The following ANKRD33B variants were observed in gnomAD, a reference collection of about 807,000 sequenced individuals.
The protein encoded by ANKRD33B is ankyrin repeat domain-containing protein 33B.
Under a neutral mutation model 21.5 loss-of-function variants are expected in ANKRD33B, and 6 were observed. That is an observed-to-expected ratio of 0.28 (90% CI 0.15 to 0.55). The LOEUF is 0.55. Among genes scored for constraint, ANKRD33B ranks in the 20% least tolerant of loss-of-function variants. ANKRD33B has a pLI of 0.94. For missense variants in ANKRD33B, 698 were observed against 747.2 expected (o/e 0.93, Z 0.77); for synonymous variants, 347 against 342.4 (o/e 1.01, Z -0.15).
intron 1 of ANKRD33B, among the ~76,000 whole-genome samples, chr5:10,594,445 C>G (rs1649360961): frequency 6.6e-6 from 1 of 152,074 alleles, no homozygotes. Context: ...TTTGAACTCC[C>G]AACCTCAGCT....
chr5:10,600,261 T>C (rs1177724061), intron 1 of ANKRD33B, among the ~76,000 whole-genome samples: 2 of 152,230 alleles, frequency 1.3e-5, no homozygotes, highest in Non-Finnish European at 1.5e-5. Flanking sequence ...CAAATGAATA[T>C]GCACATGTAA....
intron 3 of ANKRD33B, among the ~76,000 whole-genome samples, chr5:10,639,149 C>T (rs1250695784): frequency 9.3e-5 from 5 of 53,928 alleles, no homozygotes; most frequent in Admixed American, 3.5e-4. Flanking sequence ...CGCGGAGTTG[C>T]GCGGCGATGT....
At chr5:10,591,976 A>T (rs545680259) in intron 1 of ANKRD33B, among the ~76,000 whole-genome samples, 1 of 152,038 alleles carries the variant, frequency 6.6e-6, no homozygotes, top group Non-Finnish European at 1.5e-5. Flanking sequence ...TCTTTTCTCC[A>T]TCAGTAAACT....
chr5:10,587,256 C>T (rs544084606), intron 1 of ANKRD33B, among the ~76,000 whole-genome samples: 1 of 149,424 alleles, frequency 6.7e-6, no homozygotes, highest in South Asian at 2.1e-4. Flanking sequence ...CTGAAGTGAT[C>T]TGCCTGGCTA....
intron 1 of ANKRD33B, among the ~76,000 whole-genome samples, chr5:10,593,203 A>G (rs991999745): frequency 1.0e-4 from 13 of 128,874 alleles, no homozygotes; most frequent in African/African-American, 3.2e-4. Flanking sequence ...TACAGCTATT[A>G]TTAGTTGAGT....
intron 1 of ANKRD33B, among the ~76,000 whole-genome samples, chr5:10,601,599 AT>A (rs1464956658): frequency 2.6e-5 from 4 of 152,200 alleles, no homozygotes; most frequent in Non-Finnish European, 5.9e-5. Flanking sequence ...AGGGAGTCGC[AT>A]TTCAGCAATC....
intron 1 of ANKRD33B, 96 bp from the exon 2 acceptor site, chr5:10,618,237 C>T (rs1204058024): frequency 2.0e-6 from 3 of 1,483,570 alleles, no homozygotes; most frequent in African/African-American, 2.8e-5. Context: ...CTTGTCCAGC[C>T]CCCTGGAGGG....
At chr5:10,571,348 T>G (rs1483894954) in intron 1 of ANKRD33B, among the ~76,000 whole-genome samples, 1 of 152,058 alleles carries the variant, frequency 6.6e-6, no homozygotes, top group African/African-American at 2.4e-5. Context: ...ACTACAGGCA[T>G]GCGTCACGAT....
intron 3 of ANKRD33B, among the ~76,000 whole-genome samples, chr5:10,639,566 G>C (rs1252257406): frequency 5.4e-4 from 18 of 33,264 alleles, no homozygotes; most frequent in African/African-American, 2.5e-3. Context: ...GCGATGTTAG[G>C]CGGTGACGTG....
At chr5:10,648,904 G>A (rs115287743) in intron 3 of ANKRD33B, among the ~76,000 whole-genome samples, 131 of 152,358 alleles carry the variant, frequency 8.6e-4, no homozygotes, top group African/African-American at 2.9e-3. Context: ...GCGGAGGTGG[G>A]AGGATTGCTT....
At chr5:10,624,868 G>C in intron 2 of ANKRD33B, 2 of 453,884 alleles carry the variant, frequency 4.4e-6, no homozygotes, top group Non-Finnish European at 8.8e-6. Flanking sequence ...CCTGCCCCTG[G>C]AGTCTTTCTT....
chr5:10,585,704 G>T lies in ANKRD33B; in HGVS notation c.366+20871G>T, dbSNP rs146427916. Among the ~76,000 whole-genome samples, 26 of 152,328 alleles carry T rather than the reference G, an allele frequency of 1.7e-4. No individual in the cohort carries two copies. In the East Asian group the frequency reaches 4.8e-3, roughly 28 times the overall value. ...AGCCCTCATGAAAGACAATGCCCGG[G>T]CCCAGGTGTTTGATGGGTTACCATG... On this transcript the variant is annotated intron_variant, in intron 1 of 3. Transcript: ENST00000296657.
At chr5:10,648,541 C>T (rs1436172793) in intron 3 of ANKRD33B, among the ~76,000 whole-genome samples, 5 of 152,026 alleles carry the variant, frequency 3.3e-5, no homozygotes, top group Middle Eastern at 3.4e-3. Context: ...GGGTGGATCA[C>T]CTGAGGTTGG....
In ANKRD33B at chr5:10,564,727, C is replaced by T. The variant is rs1351494152; in HGVS notation, c.260C>T (p.Ala87Val). Residue 87 changes from alanine to valine, a missense_variant, in exon 1 of 4, where the codon GCG (alanine) becomes GTG (valine). Transcript: ENST00000296657. ...EGVPESVPETATLLRAACANN... is the reference protein window; with the variant it reads ...EGVPESVPETVTLLRAACANN... Reference sequence around the variant, plus strand: ...GTCCCGGAAAGCGTCCCGGAGACGGCGACCCTCCTGCGCGCCGCCTGCGCC... The same window carrying T: ...GTCCCGGAAAGCGTCCCGGAGACGGTGACCCTCCTGCGCGCCGCCTGCGCC... 1 of 1,533,082 alleles carries T rather than the reference C, an allele frequency of 6.5e-7. No homozygotes were observed. The highest frequency in any genetic ancestry group is 1.4e-5 in the African/African-American group (1 of 73,076). The allele number at this position is 1,533,082 out of a possible 1,614,324, so 95.0% of individuals were successfully genotyped here. A position where few individuals can be genotyped will look rare whatever the true frequency, so the allele number is the denominator to read the frequency against.
At chr5:10,597,254 G>A (rs1342077385) in intron 1 of ANKRD33B, among the ~76,000 whole-genome samples, 1 of 152,148 alleles carries the variant, frequency 6.6e-6, no homozygotes, top group Non-Finnish European at 1.5e-5. Context: ...AGCAAGCTGG[G>A]TAAAGAGTTA....
intron 1 of ANKRD33B, among the ~76,000 whole-genome samples, chr5:10,578,583 A>T (rs1735373270): frequency 3.3e-5 from 5 of 152,162 alleles, no homozygotes; most frequent in Admixed American, 3.3e-4. Flanking sequence ...GAGAGGGCCC[A>T]TGGGGTGGAG....
chr5:10,633,555 C>T (rs538911209), intron 2 of ANKRD33B, among the ~76,000 whole-genome samples: 3 of 152,204 alleles, frequency 2.0e-5, no homozygotes, highest in Non-Finnish European at 2.9e-5. Context: ...AATGAATGGA[C>T]GCGTGTCAAT....
rs1345153846 is a variant in ANKRD33B, at chr5:10,650,014, G to A, written c.1386G>A (p.Glu462=). ...AGATCCCCAAGTGGCGGTACAAGGA[G>A]GCCAAGGAGGAGAAGAGGAAGGCAG... ...HLQIPKWRYK[E]AKEEKRKAEE... The change falls in exon 4 of 4, where the codon GAG becomes GAA. Residue 462 remains glutamate, a synonymous_variant. Coordinates refer to ENST00000296657, the MANE Select transcript of ANKRD33B (RefSeq NM_001164440.2). 1 of 1,533,540 alleles carries A rather than the reference G, an allele frequency of 6.5e-7. No individual in the cohort carries two copies. The highest frequency in any genetic ancestry group is 1.2e-5 in the South Asian group (1 of 83,902). 95.0% of individuals were successfully genotyped at this position (1,533,540 alleles called of 1,614,324 possible). A position where few individuals can be genotyped will look rare whatever the true frequency, so the allele number is the denominator to read the frequency against.
intron 1 of ANKRD33B, among the ~76,000 whole-genome samples, chr5:10,565,604 A>G (rs1404603185): frequency 6.6e-6 from 1 of 152,266 alleles, no homozygotes; most frequent in East Asian, 1.9e-4. Flanking sequence ...CGTTATGACC[A>G]GATTCAGAGA....
Sources: allele counts gnomAD v4.1 joint callset (sites outside exome capture counted in the v4.1 genomes callset), GRCh38; gene constraint gnomAD v4.1.1; transcripts MANE v1.5; gene names NCBI Gene and HGNC (gene_info 2026-07-23, HGNC 2026-07-21).